Variants in CCDC66 observed in about 807,000 individuals in gnomAD.
The protein encoded by CCDC66 is coiled-coil domain-containing protein 66.
A neutral mutation model predicts 128.3 loss-of-function variants in CCDC66; 133 were observed. The ratio of observed to expected loss-of-function variants is 1.04; its 90% CI spans 0.90 to 1.20. CCDC66 has a LOEUF of 1.20. CCDC66 is among the 50% of genes most tolerant of loss of function. The pLI, the probability that CCDC66 is intolerant of heterozygous loss-of-function variation, is 0.00. For synonymous variants in CCDC66, 387 were observed against 357.0 expected (o/e 1.08, Z -0.95); for missense variants, 1,126 against 1,075.5 (o/e 1.05, Z -0.66).
chr3:56,621,184 A>AAAAAAAAAAACACTGTATGTT (rs1559799955), intron 17 of CCDC66: 1 of 136,808 alleles, frequency 7.3e-6, no homozygotes, highest in African/African-American at 2.8e-5. Flanking sequence ...CAACAACAAC[A>AAAAAAAAAAACACTGTATGTT]AAAAAAAAAC....
intron 6 of CCDC66, among the ~76,000 whole-genome samples, chr3:56,568,159 C>G (rs1408675291): frequency 2.0e-5 from 3 of 152,208 alleles, no homozygotes; most frequent in African/African-American, 7.2e-5. Flanking sequence ...CAGATTTTCT[C>G]TACAGATGCA....
chr3:56,619,693 T>C (rs2076096494), intron 16 of CCDC66, 84 bp from the exon 17 acceptor site: 1 of 1,521,622 alleles, frequency 6.6e-7, no homozygotes, highest in Non-Finnish European at 8.8e-7. Flanking sequence ...CTTATTATAA[T>C]GACTCCTGAC....
intron 7 of CCDC66, among the ~76,000 whole-genome samples, chr3:56,573,584 A>G (rs902178686): frequency 1.3e-5 from 2 of 152,256 alleles, no homozygotes; most frequent in Non-Finnish European, 2.9e-5. Context: ...CAGCGTTAGC[A>G]TGATCCAAGG....
intron 7 of CCDC66, among the ~76,000 whole-genome samples, chr3:56,579,131 T>C (rs1379644598): frequency 2.6e-5 from 4 of 151,872 alleles, no homozygotes; most frequent in African/African-American, 9.6e-5. Context: ...CTGGTTTAGA[T>C]GTGGGAGGGT....
chr3:56,568,437 A>G (rs1297213983), intron 6 of CCDC66, among the ~76,000 whole-genome samples: 1 of 152,194 alleles, frequency 6.6e-6, no homozygotes, highest in African/African-American at 2.4e-5. Context: ...CAAAAGTCGT[A>G]TTTTATAATA....
intron 7 of CCDC66, among the ~76,000 whole-genome samples, chr3:56,588,409 T>TA (rs777897753): frequency 6.6e-6 from 1 of 152,190 alleles, no homozygotes; most frequent in African/African-American, 2.4e-5. Context: ...CTAAAGAACT[T>TA]ACTCATGTAA....
rs763034182 is a variant in CCDC66, at chr3:56,615,223, A to G, written c.1662A>G (p.Glu554=). The change falls in exon 12 of 18, where the codon GAA becomes GAG. Residue 554 remains glutamate, a synonymous_variant. Coordinates refer to ENST00000394672, the MANE Select transcript of CCDC66 (RefSeq NM_001141947.3). The part of the protein sequence containing the change: ...QRLKQEQRIR[E]LAQKGHDTSR... The stretch of plus-strand genomic sequence containing the variant: ...TAAAACAAGAACAAAGAATCCGAGA[A>G]TTGGCGCAAAAGGGACATGACACTT... 4.3e-6 allele frequency: 7 copies of G among 1,614,064 alleles called. No homozygotes were observed. Among genetic ancestry groups the G allele is most frequent in the Non-Finnish European group, 5.1e-6 (6 of 1,180,012 alleles).
At chr3:56,578,911 G>A (rs2067847298) in intron 7 of CCDC66, among the ~76,000 whole-genome samples, 2 of 151,828 alleles carry the variant, frequency 1.3e-5, no homozygotes, top group African/African-American at 2.4e-5. Flanking sequence ...GTATCAGGAT[G>A]ATGTTGGTCT....
intron 11 of CCDC66, among the ~76,000 whole-genome samples, chr3:56,614,466 A>G (rs1372567192): frequency 1.3e-5 from 2 of 152,204 alleles, no homozygotes; most frequent in Non-Finnish European, 2.9e-5. Flanking sequence ...TGATGATACA[A>G]TTTGTGACTG....
chr3:56,586,819 G>A (rs1473530627), intron 7 of CCDC66, among the ~76,000 whole-genome samples: 1 of 151,898 alleles, frequency 6.6e-6, no homozygotes, highest in Non-Finnish European at 1.5e-5. Flanking sequence ...GGCCAGGGCA[G>A]AAGAGTAGCT....
chr3:56,606,793 G>C (rs2074135463), intron 10 of CCDC66, among the ~76,000 whole-genome samples: 1 of 151,558 alleles, frequency 6.6e-6, no homozygotes, highest in African/African-American at 2.4e-5. Context: ...TTTAAGCCCT[G>C]AATCCATCTT....
In CCDC66 at chr3:56,617,587, G is replaced by T; in HGVS notation, c.2319G>T (p.Arg773Ser). 6.2e-7 allele frequency: 1 copy of T among 1,601,934 alleles called. No individual in the cohort carries two copies. Among genetic ancestry groups the T allele is most frequent in the South Asian group, 1.1e-5 (1 of 88,504 alleles). Residue 773 changes from arginine (R) to serine (S), a missense_variant, in exon 14 of 18, where the codon AGG (arginine) becomes AGT (serine). Transcript: ENST00000394672. The stretch of plus-strand genomic sequence containing the variant: ...ATCAAGAAACGGAGTCAAAGTTGAG[G>T]TGGCATCTAGTCAAAAAGGTAAAGC... ...SSHQETESKL[R>S]WHLVKKEEEP... is the part of the protein sequence containing the mutation.
chr3:56,563,185 A>G (rs1051505978), intron 3 of CCDC66, among the ~76,000 whole-genome samples: 3 of 151,008 alleles, frequency 2.0e-5, no homozygotes, highest in African/African-American at 7.3e-5. Flanking sequence ...ACATGGTGAA[A>G]CCCCGTCCCT....
intron 4 of CCDC66, 47 bp from the exon 5 acceptor site, chr3:56,566,542 TATAAC>T: frequency 8.3e-7 from 1 of 1,201,814 alleles, no homozygotes. Flanking sequence ...TGCCAAGTAT[TATAAC>T]AGATGTAATT....
At position 56,613,576 on chromosome 3, in the gene CCDC66, T is replaced by C. The variant is rs555773264; in HGVS notation, c.1405-13T>C. The C allele has an allele frequency of 1.2e-6, 2 of 1,603,224 alleles. No homozygotes were observed. The highest frequency in any genetic ancestry group is 1.7e-6 in the Non-Finnish European group (2 of 1,177,112). On this transcript the variant is annotated splice_polypyrimidine_tract_variant and intron_variant, in intron 10 of 17. Coordinates refer to ENST00000394672, the MANE Select transcript of CCDC66 (RefSeq NM_001141947.3). ...TATTTTTGACAATGATTTACGTGAT[T>C]GCTTATGACTAGAAAGCCATCACTG...
chr3:56,593,949 T>A lies in CCDC66; in HGVS notation c.1325T>A (p.Leu442His). 6.2e-7 allele frequency: 1 copy of A among 1,614,188 alleles called. No individual in the cohort carries two copies. ...VMANSKKTNF[L>H]RSMTALLDPA... ...TAATGTATGTATCTTGCCAGCTTTC[T>A]CCGTTCTATGACTGCTCTCTTGGAC... is the stretch of plus-strand genomic sequence containing the variant. Residue 442 changes from leucine (L) to histidine (H), a missense_variant, in exon 10 of 18, where the codon CTC becomes CAC. Physicochemically the swap from Leu to His is moderately conservative, Grantham distance 99. Transcript: ENST00000394672.
At position 56,571,312 on chromosome 3, in the gene CCDC66, C is replaced by G; in HGVS notation, c.936+10C>G. On this transcript the variant is annotated intron_variant, in intron 7 of 17. Coordinates refer to ENST00000394672, the MANE Select transcript of CCDC66 (RefSeq NM_001141947.3). ...TCTTGACCAATCTAGGGTAAGACAT[C>G]TTAATTGCAATTTTTAAAATACTAA... is the stretch of plus-strand genomic sequence containing the variant. The G allele has an allele frequency of 6.8e-7, 1 of 1,466,448 alleles. No individual in the cohort carries two copies. Among genetic ancestry groups the G allele is most frequent in the South Asian group, 1.2e-5 (1 of 80,596 alleles). 90.8% of individuals were successfully genotyped at this position (1,466,448 alleles called of 1,614,324 possible).
chr3:56,580,585 G>A (rs1313960520), intron 7 of CCDC66, among the ~76,000 whole-genome samples: 1 of 151,868 alleles, frequency 6.6e-6, no homozygotes, highest in Non-Finnish European at 1.5e-5. Flanking sequence ...TCCTTCAGGA[G>A]CTCTTGTAAG....
chr3:56,619,138 G>A, intron 15 of CCDC66, 133 bp from the exon 16 acceptor site: 1 of 690,516 alleles, frequency 1.4e-6, no homozygotes, highest in Admixed American at 3.2e-5. Flanking sequence ...GAGTTGCAGT[G>A]AGCTGAGATC....
Sources: gnomAD v4.1 joint callset for allele counts (sites outside exome capture counted in the v4.1 genomes callset) on GRCh38, gnomAD v4.1.1 for gene constraint, MANE v1.5 for transcripts, NCBI Gene and HGNC (gene_info 2026-07-23, HGNC 2026-07-21) for gene names.